The following COL5A2 variants were observed in gnomAD, a reference collection of about 807,000 sequenced individuals.
The protein encoded by COL5A2 is collagen alpha-2(V) chain.
Under a neutral mutation model 208.2 loss-of-function variants are expected in COL5A2, and 23 were observed. That is an observed-to-expected ratio of 0.11 (90% CI 0.08 to 0.16). The LOEUF is 0.16. Among genes scored for constraint, COL5A2 ranks in the 10% least tolerant of loss-of-function variants. COL5A2 has a pLI of 1.00. For missense variants in COL5A2, 1,590 were observed against 1,956.4 expected (o/e 0.81, Z 3.53); for synonymous variants, 625 against 628.5 (o/e 0.99, Z 0.08).
At chr2:189,208,420 C>G (rs1450302361) in intron 1 of COL5A2, among the ~76,000 whole-genome samples, 2 of 152,142 alleles carry the variant, frequency 1.3e-5, no homozygotes, top group Admixed American at 1.3e-4. Flanking sequence ...AATGAAGGAG[C>G]TGACTCTTAA....
the COL5A2 span, among the ~76,000 whole-genome samples, chr2:189,399,240 A>G: frequency 6.8e-6 from 1 of 147,088 alleles, no homozygotes; most frequent in Non-Finnish European, 1.5e-5. Context: ...ATCTTAAAAT[A>G]TTTATTTTAC....
intron 1 of COL5A2, among the ~76,000 whole-genome samples, chr2:189,164,464 T>C (rs921871836): frequency 8.5e-5 from 13 of 152,086 alleles, no homozygotes; most frequent in African/African-American, 2.4e-4. Context: ...GATAGTTATA[T>C]AAGCAGTCTA....
the COL5A2 span, among the ~76,000 whole-genome samples, chr2:189,350,167 A>G: frequency 4.9e-4 from 74 of 152,302 alleles, no homozygotes; most frequent in African/African-American, 1.7e-3. Context: ...AATAAATTAA[A>G]ATACAAAGTG....
intron 1 of COL5A2, among the ~76,000 whole-genome samples, chr2:189,197,310 C>G (rs143631869): frequency 6.6e-6 from 1 of 151,998 alleles, no homozygotes; most frequent in Non-Finnish European, 1.5e-5. Context: ...GGAGAGAGAG[C>G]ATTAGGACAA....
chr2:189,085,837 G>C, intron 9 of COL5A2, 65 bp from the exon 10 acceptor site: 1 of 1,290,834 alleles, frequency 7.7e-7, no homozygotes, highest in South Asian at 1.2e-5. Flanking sequence ...CCTGTACTCT[G>C]TCAATATACA....
rs768953409 is a variant in COL5A2, at chr2:189,092,328, T to C, written c.549A>G (p.Gly183=). 5 of 1,608,114 alleles carry C rather than the reference T, an allele frequency of 3.1e-6. No individual in the cohort carries two copies. The highest frequency in any genetic ancestry group is 2.2e-5 in the South Asian group (2 of 89,586). ...AACTCACCCTGCTCAAGCCATCGGGTCCTGGGTGGGACGGATGTCCAGGAG... is the reference window on the plus strand; with the variant it reads ...AACTCACCCTGCTCAAGCCATCGGGCCCTGGGTGGGACGGATGTCCAGGAG... ...PGPPGHPSHP[G]PDGLSRPFSA... is the part of the protein sequence containing the mutation. Residue 183 remains glycine (G), a synonymous_variant, in exon 7 of 54, where the codon GGA becomes GGG. Transcript: ENST00000374866.
At chr2:189,405,942 C>T in the COL5A2 span, among the ~76,000 whole-genome samples, 275 of 152,216 alleles carry the variant, frequency 1.8e-3, no homozygotes, top group Admixed American at 3.7e-3. Context: ...TTAAAATCCC[C>T]GTTTTCTATT....
upstream of COL5A2, among the ~76,000 whole-genome samples, chr2:189,183,408 T>C (rs1688807581): frequency 1.3e-5 from 2 of 152,190 alleles, no homozygotes; most frequent in South Asian, 4.1e-4. Context: ...TTGGGGTATA[T>C]TAACTATTAA....
chr2:189,252,151 T>C, the COL5A2 span, among the ~76,000 whole-genome samples: 44 of 152,036 alleles, frequency 2.9e-4, no homozygotes, highest in Admixed American at 2.5e-3. Context: ...GGAACACTTT[T>C]ACACTGTTGG....
chr2:189,052,939 T>C lies in COL5A2; in HGVS notation c.2633A>G (p.Gln878Arg), dbSNP rs765941955. Residue 878 changes from glutamine (Q) to arginine (R), a missense_variant, in exon 39 of 54, where the codon CAA becomes CGA. Gln to Arg is a conservative substitution (Grantham distance 43). Coordinates refer to ENST00000374866, the MANE Select transcript of COL5A2 (RefSeq NM_000393.5). ...AGGGCCAGGGGATCCTGCTAAACCTTGTGGTCCAGGAGAACCAGCATCTCC... is the reference window on the plus strand; with the variant it reads ...AGGGCCAGGGGATCCTGCTAAACCTCGTGGTCCAGGAGAACCAGCATCTCC... ...QKGDAGSPGP[Q>R]GLAGSPGPHG... The C allele has an allele frequency of 2.5e-6, 4 of 1,614,160 alleles. No homozygotes were observed. The highest frequency in any genetic ancestry group is 2.5e-6 in the Non-Finnish European group (3 of 1,180,004).
At chr2:189,090,219 G>C (rs911483756) in intron 7 of COL5A2, among the ~76,000 whole-genome samples, 2 of 152,154 alleles carry the variant, frequency 1.3e-5, no homozygotes, top group Non-Finnish European at 2.9e-5. Context: ...TTAGTAGTCT[G>C]GATAGAAGAT....
intron 1 of COL5A2, among the ~76,000 whole-genome samples, chr2:189,144,400 AT>A (rs1489885992): frequency 6.6e-6 from 1 of 152,070 alleles, no homozygotes; most frequent in Non-Finnish European, 1.5e-5. Context: ...TTTACTGTAA[AT>A]TTTGAATTAG....
intron 49 of COL5A2, among the ~76,000 whole-genome samples, chr2:189,042,197 T>A (rs1408632028): frequency 6.6e-6 from 1 of 152,178 alleles, no homozygotes; most frequent in Non-Finnish European, 1.5e-5. Flanking sequence ...AATAATTATG[T>A]CCACCAATTG....
At chr2:189,401,093 G>A in the COL5A2 span, among the ~76,000 whole-genome samples, 1 of 151,976 alleles carries the variant, frequency 6.6e-6, no homozygotes, top group Admixed American at 6.6e-5. Context: ...GGGTACATGT[G>A]CAGGTTTGTT....
chr2:189,337,384 G>A, the COL5A2 span, among the ~76,000 whole-genome samples: 9 of 151,478 alleles, frequency 5.9e-5, no homozygotes, highest in African/African-American at 1.5e-4. Context: ...GGGTTTCACC[G>A]TTTTAGCCCG....
At chr2:189,264,245 T>C in the COL5A2 span, among the ~76,000 whole-genome samples, 2 of 152,132 alleles carry the variant, frequency 1.3e-5, no homozygotes, top group East Asian at 3.9e-4. Flanking sequence ...TTTATTGAAA[T>C]TCATTAAAGA....
At chr2:189,094,863 T>A (rs1686871816) in intron 6 of COL5A2, among the ~76,000 whole-genome samples, 1 of 150,874 alleles carries the variant, frequency 6.6e-6, no homozygotes, top group South Asian at 2.1e-4. Context: ...CATTGGCTAA[T>A]CCTGAAGGTC....
chr2:189,150,798 A>G (rs1371442705), intron 1 of COL5A2, among the ~76,000 whole-genome samples: 1 of 152,170 alleles, frequency 6.6e-6, no homozygotes, highest in African/African-American at 2.4e-5. Context: ...AGAGAACAAG[A>G]AGCTATTTAG....
At chr2:189,158,496 G>A (rs528117164) in intron 1 of COL5A2, among the ~76,000 whole-genome samples, 4 of 152,028 alleles carry the variant, frequency 2.6e-5, no homozygotes, top group Admixed American at 1.3e-4. Flanking sequence ...TGAACCAAAT[G>A]GCTACTGTGA....
Sources: gnomAD v4.1 joint callset for allele counts (sites outside exome capture counted in the v4.1 genomes callset) on GRCh38, gnomAD v4.1.1 for gene constraint, MANE v1.5 for transcripts, NCBI Gene and HGNC (gene_info 2026-07-23, HGNC 2026-07-21) for gene names.